NABP1: variants seen among roughly 807,000 people sequenced by gnomAD.
NABP1 encodes the protein nucleic acid binding protein 1, also known as SOSS complex subunit B2.
Under a neutral mutation model 25.0 loss-of-function variants are expected in NABP1, and 18 were observed. That is an observed-to-expected ratio of 0.72 (90% CI 0.50 to 1.07). The LOEUF is 1.07. Ranked by LOEUF, NABP1 falls within the 50% of genes least tolerant of loss-of-function variation. The pLI is 0.00. For synonymous variants in NABP1, 71 were observed against 85.0 expected (o/e 0.84, Z 0.91); for missense variants, 270 against 255.6 (o/e 1.06, Z -0.39).
At chr2:191,681,869 TAG>T (rs1379247110) in intron 2 of NABP1, 75 bp from the exon 3 acceptor site, 1 of 936,096 alleles carries the variant, frequency 1.1e-6, no homozygotes, top group Admixed American at 3.4e-5. Flanking sequence ...AAAAAATATA[TAG>T]TGTGAAGATT....
In NABP1 at chr2:191,682,559, C is replaced by T. The variant is rs1249127114; in HGVS notation, c.302+542C>T. Reference sequence around the variant, plus strand: ...CTACTACCCTGGTAATGATCTCCACCCTGACCTGGAGGAGCCATCCTCTCT... The same window carrying T: ...CTACTACCCTGGTAATGATCTCCACTCTGACCTGGAGGAGCCATCCTCTCT... On this transcript the variant is annotated intron_variant, in intron 3 of 5. Transcript: ENST00000425611. 6.4e-6 allele frequency: 3 copies of T among 470,998 alleles called. No individual in the cohort carries two copies. The Admixed American group carries it at 7.0e-5, about 11-fold the overall frequency. 29.2% of individuals were successfully genotyped at this position (470,998 alleles called of 1,614,324 possible). A position where few individuals can be genotyped will look rare whatever the true frequency, so the allele number is the denominator to read the frequency against.
Position 191,679,028 on chromosome 2 carries a change from T to C in NABP1, c.130T>C (p.Ser44Pro). ...AACCAAAGACGGCCATGAAGTGAGA[T>C]CGTGCAAAGTAGCAGATAAAACGGG... Reference protein sequence around the residue: ...TKTKDGHEVRSCKVADKTGSI... With the variant: ...TKTKDGHEVRPCKVADKTGSI... The change falls in exon 2 of 6, where the codon TCG becomes CCG. Residue 44 changes from serine (S) to proline (P), a missense_variant. Coordinates refer to ENST00000425611, the MANE Select transcript of NABP1 (RefSeq NM_001031716.5). 1 of 1,614,084 alleles carries C rather than the reference T, an allele frequency of 6.2e-7. No homozygotes were observed. The highest frequency in any genetic ancestry group is 8.5e-7 in the Non-Finnish European group (1 of 1,179,978).
In NABP1 at chr2:191,681,985, T is replaced by C. The variant is rs146151791; in HGVS notation, c.270T>C (p.Thr90=). 82 of 1,512,128 alleles carry C rather than the reference T, an allele frequency of 5.4e-5. 1 individual carries two copies. The African/African-American group carries it at 1.0e-3, about 19-fold the overall frequency. 93.7% of individuals were successfully genotyped at this position (1,512,128 alleles called of 1,614,324 possible). Reference sequence around the variant, plus strand: ...GGAAAGGATGTCTGACACTTTATACTGGAAGGGGTGGTGAACTTCAAAAAA... The same window carrying C: ...GGAAAGGATGTCTGACACTTTATACCGGAAGGGGTGGTGAACTTCAAAAAA... ...SMWKGCLTLY[T]GRGGELQKIG... The change falls in exon 3 of 6, where the codon ACT becomes ACC. Residue 90 remains threonine, a synonymous_variant. Transcript: ENST00000425611.
Position 191,678,342 on chromosome 2 carries a change from C to G in NABP1, c.-273C>G, listed in dbSNP as rs1312196297. ...TTAGTACGCTTGCCTTCCTGTCGCC[C>G]GGTTGGGAGCGGGGTTGGTGTGCGG... On this transcript the variant is annotated 5_prime_UTR_variant, in exon 1 of 6. Transcript: ENST00000425611. 4 of 276,702 alleles carry G rather than the reference C, an allele frequency of 1.4e-5. No homozygotes were observed. The South Asian group carries it at 4.3e-4, about 30-fold the overall frequency. 17.1% of individuals were successfully genotyped at this position (276,702 alleles called of 1,614,324 possible). A position where few individuals can be genotyped will look rare whatever the true frequency, so the allele number is the denominator to read the frequency against.
Position 191,683,740 on chromosome 2 carries a change from T to C in NABP1, c.314T>C (p.Val105Ala). ...TTATTTTCTTTCAGATTTTGTATGG[T>C]TTATTCAGAAGTGCCAAATTTCAGT... ...ELQKIGEFCM[V>A]YSEVPNFSEP... Residue 105 changes from valine (V) to alanine (A), a missense_variant, in exon 4 of 6, where the codon GTT becomes GCT. Physicochemically the swap from Val to Ala is moderately conservative, Grantham distance 64 (BLOSUM62 0). Coordinates refer to ENST00000425611, the MANE Select transcript of NABP1 (RefSeq NM_001031716.5). This position sits in a 1 kb window ranked among gnomAD's most constrained non-coding sequence, Gnocchi z 4.1. 6.2e-7 allele frequency: 1 copy of C among 1,611,808 alleles called. No homozygotes were observed.
In NABP1 at chr2:191,678,595, G is replaced by A. The variant is rs746325540; in HGVS notation, c.-20G>A. On this transcript the variant is annotated 5_prime_UTR_variant, in exon 1 of 6. Coordinates refer to ENST00000425611, the MANE Select transcript of NABP1 (RefSeq NM_001031716.5). ...CCTGCCCACTCGCGTCTCCGCAGCC[G>A]TAGCCGCGCCTGTCCCAATATGAAT... The A allele has an allele frequency of 4.3e-5, 68 of 1,588,372 alleles. No individual in the cohort carries two copies. Among genetic ancestry groups the A allele is most frequent in the East Asian group, 1.1e-4 (5 of 44,624 alleles).
rs1414079498 is a variant in NABP1, at chr2:191,686,865, G to A, written c.*1097G>A. Reference sequence around the variant, plus strand: ...GTGGTACCCACTTCCCCTTTTTACTGTAGGGTGGATAACTCTTAGGATTTA... The same window carrying A: ...GTGGTACCCACTTCCCCTTTTTACTATAGGGTGGATAACTCTTAGGATTTA... On this transcript the variant is annotated 3_prime_UTR_variant, in exon 6 of 6. Transcript: ENST00000425611. 6.6e-6 allele frequency: 1 copy of A among 152,612 alleles called. No individual in the cohort carries two copies. Among genetic ancestry groups the A allele is most frequent in the African/African-American group, 2.4e-5 (1 of 41,438 alleles). The allele number at this position is 152,612 out of a possible 1,614,324, so 9.5% of individuals were successfully genotyped here.
At chr2:191,682,940 T>G (rs11898169) in intron 3 of NABP1, 5,320 of 199,504 alleles carry the variant, frequency 0.027, 311 homozygotes, top group African/African-American at 0.12. Context: ...TAGAGTTATG[T>G]GTTATGAAAG....
intron 2 of NABP1, 61 bp from the exon 3 acceptor site, chr2:191,681,884 CT>C: frequency 8.7e-7 from 1 of 1,147,208 alleles, no homozygotes; most frequent in Non-Finnish European, 1.2e-6. Context: ...TGAAGATTTA[CT>C]TGATTTAAAT....
chr2:191,681,883 A>G, intron 2 of NABP1, 63 bp from the exon 3 acceptor site: 1 of 1,125,188 alleles, frequency 8.9e-7, no homozygotes, highest in South Asian at 1.9e-5. Flanking sequence ...GTGAAGATTT[A>G]CTTGATTTAA....
At chr2:191,678,805 C>T (rs76328610) in intron 1 of NABP1, 100 bp downstream of exon 1, 208 of 1,208,342 alleles carry the variant, frequency 1.7e-4, no homozygotes, top group Non-Finnish European at 2.3e-4. Flanking sequence ...CTCCTCCTCC[C>T]TCCCCTCCCC....
chr2:191,686,741 AT>A lies in NABP1; in HGVS notation c.*974del. On this transcript the variant is annotated 3_prime_UTR_variant, in exon 6 of 6. Transcript: ENST00000425611. ...GTCAAAGTTTCTGAACACAGTTCAC[AT>A]AGCCTTATTAGCAAAAGTTTTAAGA... 1 of 152,542 alleles carries A rather than the reference AT, an allele frequency of 6.6e-6. No homozygotes were observed. The highest frequency in any genetic ancestry group is 1.5e-5 in the Non-Finnish European group (1 of 68,036). The allele number at this position is 152,542 out of a possible 1,614,324, so 9.4% of individuals were successfully genotyped here.
Position 191,683,833 on chromosome 2 carries a change from G to T in NABP1, c.378+29G>T. On this transcript the variant is annotated intron_variant, in intron 4 of 5. Transcript: ENST00000425611. This position sits in a 1 kb window ranked among gnomAD's most constrained non-coding sequence, Gnocchi z 4.1. ...ATTGTGTAGTATACTTTTATGATTA[G>T]GCTAATTTTGACTGTGTTATAATTC... 8 of 1,519,796 alleles carry T rather than the reference G, an allele frequency of 5.3e-6. No individual in the cohort carries two copies. Among genetic ancestry groups the T allele is most frequent in the Non-Finnish European group, 6.3e-6 (7 of 1,107,824 alleles). The allele number at this position is 1,519,796 out of a possible 1,614,324, so 94.1% of individuals were successfully genotyped here. A position where few individuals can be genotyped will look rare whatever the true frequency, so the allele number is the denominator to read the frequency against.
Position 191,685,746 on chromosome 2 carries a change from C to T in NABP1, c.593C>T (p.Pro198Leu), listed in dbSNP as rs764450900. The change falls in exon 6 of 6, where the codon CCT (proline) becomes CTT (leucine). Residue 198 changes from proline (P) to leucine (L), a missense_variant. Transcript: ENST00000425611. ...ACCACAATAAGTAATGGCAGGGACC[C>T]TCGGAGAGCCTTTAAAAGATGACCT... ...VMTTISNGRDPRRAFKR is the reference protein window; with the variant it reads ...VMTTISNGRDLRRAFKR 1 of 1,614,064 alleles carries T rather than the reference C, an allele frequency of 6.2e-7. No individual in the cohort carries two copies. The highest frequency in any genetic ancestry group is 2.2e-5 in the East Asian group (1 of 44,876).
intron 2 of NABP1, among the ~76,000 whole-genome samples, chr2:191,679,605 G>A (rs1386331922): frequency 6.6e-6 from 1 of 152,144 alleles, no homozygotes; most frequent in Non-Finnish European, 1.5e-5. Flanking sequence ...TCCAACTCCT[G>A]ACCTCAAGTG....
Position 191,683,343 on chromosome 2 carries a change from G to A in NABP1, c.303-386G>A. 1 of 259,468 alleles carries A rather than the reference G, an allele frequency of 3.9e-6. No homozygotes were observed. The highest frequency in any genetic ancestry group is 7.4e-6 in the Non-Finnish European group (1 of 134,508). The allele number at this position is 259,468 out of a possible 1,614,324, so 16.1% of individuals were successfully genotyped here. A position where few individuals can be genotyped will look rare whatever the true frequency, so the allele number is the denominator to read the frequency against. ...TGAATGGGAGTGGGTGAATGGATCG[G>A]TGCAAATCCATTACCACTGCTGGAG... On this transcript the variant is annotated intron_variant, in intron 3 of 5. Transcript: ENST00000425611. This position sits in a 1 kb window ranked among gnomAD's most constrained non-coding sequence, Gnocchi z 4.1.
At position 191,678,386 on chromosome 2, in the gene NABP1, C is replaced by G; in HGVS notation, c.-229C>G. 1 of 332,234 alleles carries G rather than the reference C, an allele frequency of 3.0e-6. No homozygotes were observed. The allele number at this position is 332,234 out of a possible 1,614,324, so 20.6% of individuals were successfully genotyped here. A position where few individuals can be genotyped will look rare whatever the true frequency, so the allele number is the denominator to read the frequency against. The stretch of plus-strand genomic sequence containing the variant: ...TGTGCGGAGTGGTTCGCCTTTTTTT[C>G]TTTAGAACTTGTGAGCCTTTTTTTT... On this transcript the variant is annotated 5_prime_UTR_variant, in exon 1 of 6. Transcript: ENST00000425611.
In NABP1 at chr2:191,684,287, G is replaced by C; in HGVS notation, c.436G>C (p.Gly146Arg). 6.6e-7 allele frequency: 1 copy of C among 1,526,120 alleles called. No individual in the cohort carries two copies. The highest frequency in any genetic ancestry group is 2.5e-5 in the Admixed American group (1 of 40,206). 94.5% of individuals were successfully genotyped at this position (1,526,120 alleles called of 1,614,324 possible). A position where few individuals can be genotyped will look rare whatever the true frequency, so the allele number is the denominator to read the frequency against. Reference protein sequence around the residue: ...MNSNMGTGTFGPVGNGVHTGP... With the variant: ...MNSNMGTGTFRPVGNGVHTGP... ...TAGTAATATGGGTACAGGTACATTT[G>C]GACCAGTGGGTAAGATTTTGTTTGT... The change falls in exon 5 of 6, where the codon GGA (glycine) becomes CGA (arginine). Residue 146 changes from glycine (G) to arginine (R), a missense_variant. By Grantham distance (125) the Gly-to-Arg change is moderately radical (BLOSUM62 -2). Transcript: ENST00000425611.
chr2:191,681,964 A>G lies in NABP1; in HGVS notation c.249A>G (p.Lys83=). The G allele has an allele frequency of 1.3e-6, 2 of 1,519,098 alleles. No homozygotes were observed. The highest frequency in any genetic ancestry group is 1.3e-5 in the South Asian group (1 of 74,808). 94.1% of individuals were successfully genotyped at this position (1,519,098 alleles called of 1,614,324 possible). A position where few individuals can be genotyped will look rare whatever the true frequency, so the allele number is the denominator to read the frequency against. ...RLTRGYASMW[K]GCLTLYTGRG... Reference sequence around the variant, plus strand: ...TCTCTAGGTATGCATCCATGTGGAAAGGATGTCTGACACTTTATACTGGAA... The same window carrying G: ...TCTCTAGGTATGCATCCATGTGGAAGGGATGTCTGACACTTTATACTGGAA... Residue 83 remains lysine (K), a synonymous_variant, in exon 3 of 6, where the codon AAA becomes AAG. Coordinates refer to ENST00000425611, the MANE Select transcript of NABP1 (RefSeq NM_001031716.5).
Sources: allele counts gnomAD v4.1 joint callset (sites outside exome capture counted in the v4.1 genomes callset), GRCh38; gene constraint gnomAD v4.1.1; non-coding constraint Gnocchi (gnomAD v3.1); transcripts MANE v1.5; gene names NCBI Gene and HGNC (gene_info 2026-07-23, HGNC 2026-07-21).